The following RYR2 variants were observed in gnomAD, a reference collection of about 807,000 sequenced individuals.
The protein encoded by RYR2 is ryanodine receptor 2, also known as cardiac muscle ryanodine receptor-calcium release channel.
RYR2 carries 227 observed loss-of-function variants against 601.1 expected under a neutral mutation model. That is an observed-to-expected ratio of 0.38 (90% CI 0.34 to 0.42). The LOEUF is 0.42. Among genes scored for constraint, RYR2 ranks in the 10% least tolerant of loss-of-function variants. The pLI is 1.00. For synonymous variants in RYR2, 2,223 were observed against 2,175.1 expected (o/e 1.02, Z -0.61); for missense variants, 4,646 against 6,156.5 (o/e 0.75, Z 8.21).
chr1:237,643,304 A>G (rs1011992667), intron 47 of RYR2, 23 bp from the exon 48 acceptor site: 6 of 1,605,992 alleles, frequency 3.7e-6, no homozygotes, highest in Admixed American at 3.4e-5. Context: ...AGTTGTTCTA[A>G]TGTTTTTTTT....
At chr1:237,611,038 C>T in intron 36 of RYR2, 50 bp downstream of exon 36, 2 of 1,528,770 alleles carry the variant, frequency 1.3e-6, no homozygotes, top group Non-Finnish European at 1.8e-6. Context: ...TTGGGATTAG[C>T]CTGCTGCCCG....
intron 1 of RYR2, among the ~76,000 whole-genome samples, chr1:237,129,138 C>T (rs778656082): frequency 6.6e-6 from 1 of 152,212 alleles, no homozygotes; most frequent in Non-Finnish European, 1.5e-5. Flanking sequence ...CAGCCCAAGG[C>T]ACTGCCTTCT....
At chr1:237,411,935 TA>T (rs1202852530) in intron 10 of RYR2, among the ~76,000 whole-genome samples, 9 of 152,206 alleles carry the variant, frequency 5.9e-5, no homozygotes, top group South Asian at 2.1e-4. Context: ...CTTTCATTAA[TA>T]ATGTATTTTA....
chr1:237,067,108 C>T (rs1316521881), intron 1 of RYR2, among the ~76,000 whole-genome samples: 3 of 151,862 alleles, frequency 2.0e-5, no homozygotes, highest in Non-Finnish European at 2.9e-5. Flanking sequence ...TCATTTTCTC[C>T]CTCTCAACAG....
rs368920731 is a variant in RYR2, at chr1:237,631,505, G to T, written c.6519G>T (p.Glu2173Asp). ...TGGGGATGCACGAGACTGTGATGGAGGTCATGGTGAACGTCCTTGGAGGTG... is the reference window on the plus strand; with the variant it reads ...TGGGGATGCACGAGACTGTGATGGATGTCATGGTGAACGTCCTTGGAGGTG... ...RALGMHETVM[E>D]VMVNVLGGGE... The change falls in exon 42 of 105, where the codon GAG (glutamate) becomes GAT (aspartate). Residue 2173 changes from glutamate to aspartate, a missense_variant. By Grantham distance (45) the Glu-to-Asp change is conservative. This residue lies in a region of RYR2 where 137 missense variants were observed against 273.6 expected (regional missense o/e 0.50). Coordinates refer to ENST00000366574, the MANE Select transcript of RYR2 (RefSeq NM_001035.3). 2.5e-6 allele frequency: 4 copies of T among 1,612,652 alleles called. No homozygotes were observed. The highest frequency in any genetic ancestry group is 3.4e-6 in the Non-Finnish European group (4 of 1,179,388).
chr1:237,731,411 A>G (rs1348926526), intron 77 of RYR2, among the ~76,000 whole-genome samples: 3 of 152,318 alleles, frequency 2.0e-5, no homozygotes, highest in African/African-American at 7.2e-5. Flanking sequence ...GAAAAAAAGT[A>G]TAAGTGGTTC....
chr1:237,126,923 A>T (rs1457294101), intron 1 of RYR2, among the ~76,000 whole-genome samples: 1 of 151,572 alleles, frequency 6.6e-6, no homozygotes, highest in African/African-American at 2.4e-5. Flanking sequence ...TAGGCAGAGG[A>T]CCCTGTGGCC....
At chr1:237,695,920 G>A (rs1438962802) in intron 63 of RYR2, among the ~76,000 whole-genome samples, 1 of 152,096 alleles carries the variant, frequency 6.6e-6, no homozygotes, top group East Asian at 1.9e-4. Flanking sequence ...TATTCCTTTA[G>A]CAATCACAGA....
chr1:237,752,342 G>A (rs1456048290), intron 80 of RYR2, among the ~76,000 whole-genome samples: 1 of 151,998 alleles, frequency 6.6e-6, no homozygotes, highest in Non-Finnish European at 1.5e-5. Flanking sequence ...GTAGAGACAG[G>A]GTCTTGCTAT....
At chr1:237,215,900 T>C (rs557246079) in intron 1 of RYR2, among the ~76,000 whole-genome samples, 2 of 152,314 alleles carry the variant, frequency 1.3e-5, no homozygotes, top group East Asian at 3.9e-4. Context: ...TTTTACTACA[T>C]TCTAGTAATT....
chr1:237,651,490 A>G lies in RYR2; in HGVS notation c.7813A>G (p.Met2605Val), dbSNP rs1293688831. Residue 2605 changes from methionine (M) to valine (V), a missense_variant, in exon 51 of 105, where the codon ATG (methionine) becomes GTG (valine). Physicochemically the swap from Met to Val is conservative, Grantham distance 21. This residue lies in a region of RYR2 where 1,497 missense variants were observed against 1,842.6 expected (regional missense o/e 0.81). Transcript: ENST00000366574. ...TCCATTATTAAATGAACACGCAAAG[A>G]TGCCTCTTAAAGTAAGTATAGGAAA... ...DVPLLNEHAK[M>V]PLKLLTNHYE... 6.4e-7 allele frequency: 1 copy of G among 1,559,676 alleles called. No homozygotes were observed. The highest frequency in any genetic ancestry group is 8.7e-7 in the Non-Finnish European group (1 of 1,144,912).
At chr1:237,043,496 A>G (rs548966221) in intron 1 of RYR2, among the ~76,000 whole-genome samples, 1 of 152,128 alleles carries the variant, frequency 6.6e-6, no homozygotes, top group African/African-American at 2.4e-5. Flanking sequence ...CCTTTCTCTC[A>G]TTTGTTCGAA....
At chr1:237,422,970 C>T in intron 11 of RYR2, 122 bp from the exon 12 acceptor site, 4 of 1,130,288 alleles carry the variant, frequency 3.5e-6, no homozygotes, top group East Asian at 2.7e-5. Context: ...CACTAATATC[C>T]TAAGTTTTTT....
In RYR2 at chr1:237,110,951, G is replaced by T. The variant is rs116050829; in HGVS notation, c.48+68382G>T. Among the ~76,000 whole-genome samples the T allele has an allele frequency of 5.9e-3, 903 of 152,282 alleles. 3 individuals carry two copies. Among genetic ancestry groups the T allele is most frequent in the Non-Finnish European group, 8.8e-3 (599 of 68,024 alleles). On this transcript the variant is annotated intron_variant, in intron 1 of 104. Transcript: ENST00000366574. ...GAAGTCCCCCTTTAATGAGACTCAA[G>T]AATTCAATGACATTTTCAAGGTCAA... is the stretch of plus-strand genomic sequence containing the variant.
intron 2 of RYR2, among the ~76,000 whole-genome samples, chr1:237,295,149 G>C (rs1043169369): frequency 2.0e-5 from 3 of 152,068 alleles, no homozygotes; most frequent in Non-Finnish European, 2.9e-5. Context: ...CTAGGAATTT[G>C]AGAATTTGAA....
At position 237,445,445 on chromosome 1, in the gene RYR2, G is replaced by A. The variant is rs1394152563; in HGVS notation, c.1215G>A (p.Leu405=). ...GCCACATGGATGATGGCATAAGTTT[G>A]TCGAGATCCCAGCATGAAGAATCAC... ...HEGHMDDGIS[L]SRSQHEESRT... The change falls in exon 14 of 105, where the codon TTG becomes TTA. Residue 405 remains leucine (L), a synonymous_variant. Transcript: ENST00000366574. 2 of 1,613,676 alleles carry A rather than the reference G, an allele frequency of 1.2e-6. No individual in the cohort carries two copies. Among genetic ancestry groups the A allele is most frequent in the South Asian group, 1.1e-5 (1 of 91,078 alleles).
At chr1:237,061,224 T>TCTAC (rs1662796004) in intron 1 of RYR2, among the ~76,000 whole-genome samples, 1 of 143,638 alleles carries the variant, frequency 7.0e-6, no homozygotes, top group Non-Finnish European at 1.6e-5. Context: ...TATCTATCTA[T>TCTAC]CTATCTATCT....
rs569315814 is a variant in RYR2 at position 237,415,790 on chromosome 1, A to C, written c.774-1259A>C. ...TTTGAAAAAGCAACAGGGGAAAATT[A>C]AAAACATCTGTGAGGCAATTTGGGA... On this transcript the variant is annotated intron_variant, in intron 10 of 104. Coordinates refer to ENST00000366574, the MANE Select transcript of RYR2 (RefSeq NM_001035.3). Among the ~76,000 whole-genome samples, 14 of 152,346 alleles carry C rather than the reference A, an allele frequency of 9.2e-5. 1 individual carries two copies. In the South Asian group the frequency reaches 2.7e-3, roughly 29 times the overall value.
chr1:237,831,790 C>A lies in RYR2; in HGVS notation c.14808+225C>A, dbSNP rs4659502. On this transcript the variant is annotated intron_variant, in intron 104 of 104. Coordinates refer to ENST00000366574, the MANE Select transcript of RYR2 (RefSeq NM_001035.3). Reference sequence around the variant, plus strand: ...ATGTAACACAATAAGCTTTTACTAACTGAAAATGCTGGATTTGAGTTTTGA... The same window carrying A: ...ATGTAACACAATAAGCTTTTACTAAATGAAAATGCTGGATTTGAGTTTTGA... Among the ~76,000 whole-genome samples, 10,561 of 152,180 alleles carry A rather than the reference C, an allele frequency of 0.069. 902 individuals are homozygous for A. The highest frequency in any genetic ancestry group is 0.28 in the East Asian group (1,469 of 5,166).
Sources: gnomAD v4.1 joint callset for allele counts (sites outside exome capture counted in the v4.1 genomes callset) on GRCh38, gnomAD v4.1.1 for gene constraint, gnomAD v4.1.1 regional missense constraint, MANE v1.5 for transcripts, NCBI Gene and HGNC (gene_info 2026-07-23, HGNC 2026-07-21) for gene names.